The following SETBP1 variants were observed in gnomAD, a reference collection of about 807,000 sequenced individuals.
The protein encoded by SETBP1 is SET binding protein 1, also known as SET-binding protein.
In SETBP1, 9 loss-of-function variants were observed where a neutral mutation model predicts 101.0. The ratio of observed to expected loss-of-function variants is 0.09; its 90% CI spans 0.05 to 0.16. SETBP1 has a LOEUF of 0.16. SETBP1 is among the 10% of genes least tolerant of loss of function. The probability of loss-of-function intolerance (pLI) is 1.00; values close to 1 mark genes in which losing one functional copy is unlikely to be tolerated. For missense variants in SETBP1, 1,858 were observed against 2,033.8 expected, an observed-to-expected ratio of 0.91 and a Z score of 1.66; for synonymous variants, 818 against 788.5, an observed-to-expected ratio of 1.04 and a Z score of -0.63.
chr18:45,045,782 C>A (rs1207912730), intron 5 of SETBP1, among the ~76,000 whole-genome samples: 1 of 152,040 alleles, frequency 6.6e-6, no homozygotes, highest in East Asian at 1.9e-4. Flanking sequence ...TGGAGATAAT[C>A]CTTGGGAAAA....
At chr18:44,758,822 C>T (rs1396837990) in intron 2 of SETBP1, among the ~76,000 whole-genome samples, 4 of 152,148 alleles carry the variant, frequency 2.6e-5, no homozygotes, top group Non-Finnish European at 4.4e-5. Flanking sequence ...TGAGAAATGA[C>T]GGACCTGGAT....
At chr18:44,830,730 A>G (rs2072344620) in intron 2 of SETBP1, among the ~76,000 whole-genome samples, 1 of 152,230 alleles carries the variant, frequency 6.6e-6, no homozygotes, top group Admixed American at 6.5e-5. Context: ...GTAAACAGTG[A>G]ATACAGGAAA....
At chr18:44,681,463 G>A (rs1329293675) in intron 1 of SETBP1, among the ~76,000 whole-genome samples, 1 of 152,074 alleles carries the variant, frequency 6.6e-6, no homozygotes, top group Admixed American at 6.5e-5. Context: ...AGCAATTTCT[G>A]ATCGGTAGAG....
chr18:44,737,545 C>A (rs1339588478), intron 2 of SETBP1, among the ~76,000 whole-genome samples: 1 of 152,168 alleles, frequency 6.6e-6, no homozygotes, highest in Admixed American at 6.5e-5. Flanking sequence ...GTGTAAAATC[C>A]ACTAGATTTG....
chr18:44,889,504 G>C (rs1004203709), intron 3 of SETBP1, among the ~76,000 whole-genome samples: 5 of 152,060 alleles, frequency 3.3e-5, no homozygotes, highest in African/African-American at 1.2e-4. Flanking sequence ...TACTGTCTTT[G>C]GATGCTCAAG....
chr18:44,846,175 C>G (rs1479076750), intron 2 of SETBP1, among the ~76,000 whole-genome samples: 1 of 152,158 alleles, frequency 6.6e-6, no homozygotes, highest in Non-Finnish European at 1.5e-5. Flanking sequence ...TTAGCTCAGG[C>G]CACACTTCTC....
intron 3 of SETBP1, among the ~76,000 whole-genome samples, chr18:44,927,579 G>A (rs772806076): frequency 4.6e-5 from 7 of 152,234 alleles, no homozygotes; most frequent in Non-Finnish European, 8.8e-5. Flanking sequence ...AGAGAAGATT[G>A]AGGCTGAGCT....
intron 2 of SETBP1, among the ~76,000 whole-genome samples, chr18:44,803,768 CTCTT>C (rs1410726790): frequency 6.6e-6 from 1 of 152,126 alleles, no homozygotes; most frequent in Non-Finnish European, 1.5e-5. Flanking sequence ...TTCTCTATAA[CTCTT>C]TCACTTTATC....
intron 4 of SETBP1, among the ~76,000 whole-genome samples, chr18:44,983,553 T>C (rs1490408337): frequency 2.0e-5 from 3 of 152,154 alleles, no homozygotes; most frequent in Admixed American, 2.0e-4. Context: ...CACTGTCCCA[T>C]TGCCCTTCTT....
intron 4 of SETBP1, among the ~76,000 whole-genome samples, chr18:44,967,286 G>A (rs1389507075): frequency 2.0e-5 from 3 of 152,182 alleles, no homozygotes; most frequent in Non-Finnish European, 4.4e-5. Context: ...GGAATTCTCT[G>A]GAAAGGGCAG....
intron 2 of SETBP1, among the ~76,000 whole-genome samples, chr18:44,761,589 C>T (rs916965463): frequency 1.3e-5 from 2 of 152,214 alleles, no homozygotes; most frequent in Non-Finnish European, 2.9e-5. Flanking sequence ...GAATTGACTA[C>T]AGTTCCTTAT....
chr18:44,881,430 A>G (rs1274758140), intron 3 of SETBP1, among the ~76,000 whole-genome samples: 1 of 152,156 alleles, frequency 6.6e-6, no homozygotes, highest in East Asian at 1.9e-4. Context: ...TTCTTGATAA[A>G]CTCCAGCAGA....
At chr18:45,008,892 C>T (rs2072782002) in intron 4 of SETBP1, among the ~76,000 whole-genome samples, 1 of 152,174 alleles carries the variant, frequency 6.6e-6, no homozygotes, top group Non-Finnish European at 1.5e-5. Flanking sequence ...GTGTTTAGGA[C>T]AGCTCTAGCA....
intron 2 of SETBP1, among the ~76,000 whole-genome samples, chr18:44,839,874 A>C (rs2072581203): frequency 6.6e-6 from 1 of 152,330 alleles, no homozygotes; most frequent in East Asian, 1.9e-4. Context: ...GTACAGAGGG[A>C]TGTGATTGCA....
chr18:44,978,629 C>T (rs930661456), intron 4 of SETBP1, among the ~76,000 whole-genome samples: 1 of 152,186 alleles, frequency 6.6e-6, no homozygotes, highest in Non-Finnish European at 1.5e-5. Flanking sequence ...AATGAGGGCT[C>T]TTACTGAATG....
intron 3 of SETBP1, among the ~76,000 whole-genome samples, chr18:44,905,071 C>T (rs1352221866): frequency 2.0e-5 from 3 of 152,024 alleles, no homozygotes; most frequent in Admixed American, 1.3e-4. Context: ...AAAATGTAGA[C>T]CATGAATAAA....
intron 3 of SETBP1, among the ~76,000 whole-genome samples, chr18:44,947,359 C>T (rs998920429): frequency 6.6e-6 from 1 of 151,822 alleles, no homozygotes. Flanking sequence ...CCTGGCCTAG[C>T]GTCACCATGG....
intron 3 of SETBP1, among the ~76,000 whole-genome samples, chr18:44,941,036 C>G (rs1024264699): frequency 6.9e-6 from 1 of 145,522 alleles, no homozygotes; most frequent in South Asian, 2.2e-4. Context: ...GATGTTGGCT[C>G]ATTGTCTTCT....
At chr18:44,738,174 G>A (rs1383203385) in intron 2 of SETBP1, among the ~76,000 whole-genome samples, 1 of 152,108 alleles carries the variant, frequency 6.6e-6, no homozygotes, top group Non-Finnish European at 1.5e-5. Context: ...TGCTGGCTGT[G>A]TCCCTCTGTG....
Sources: allele counts gnomAD v4.1 joint callset (sites outside exome capture counted in the v4.1 genomes callset), GRCh38; gene constraint gnomAD v4.1.1; transcripts MANE v1.5; gene names NCBI Gene and HGNC (gene_info 2026-07-23, HGNC 2026-07-21).